The following STAT4 variants were observed in gnomAD, a reference collection of about 807,000 sequenced individuals.
The protein encoded by STAT4 is signal transducer and activator of transcription 4.
In STAT4, 42 loss-of-function variants were observed where a neutral mutation model predicts 110.5. The ratio of observed to expected loss-of-function variants is 0.38; its 90% CI spans 0.30 to 0.49. The LOEUF (loss-of-function observed/expected upper bound fraction) is 0.49. STAT4 is among the 20% of genes least tolerant of loss of function. The pLI, the probability that STAT4 is intolerant of heterozygous loss-of-function variation, is 0.95. For synonymous variants in STAT4, 284 were observed against 302.2 expected (o/e 0.94, Z 0.63); for missense variants, 632 against 887.9 (o/e 0.71, Z 3.66).
At position 191,142,866 on chromosome 2, in the gene STAT4, C is replaced by A. The variant is rs947333251; in HGVS notation, c.273+3747G>T. Among the ~76,000 whole-genome samples, 1 of 151,984 alleles carries A rather than the reference C, an allele frequency of 6.6e-6. No homozygotes were observed. Among genetic ancestry groups the A allele is most frequent in the Non-Finnish European group, 1.5e-5 (1 of 68,012 alleles). ...GAGAGGACAGGAGATTTTCAGGGGC[C>A]ATGAAACTCTCTAGTATGATATTGT... is the stretch of plus-strand genomic sequence containing the variant. On this transcript the variant is annotated intron_variant, in intron 3 of 23. Coordinates refer to ENST00000392320, the MANE Select transcript of STAT4 (RefSeq NM_003151.4). The surrounding 1 kb of genome is among the most constrained non-coding windows in gnomAD (Gnocchi z 4.1).
At chr2:191,054,269 T>G (rs1696612548) in intron 14 of STAT4, among the ~76,000 whole-genome samples, 1 of 152,156 alleles carries the variant, frequency 6.6e-6, no homozygotes, top group African/African-American at 2.4e-5. Context: ...ATGTTAATAG[T>G]TATTTTCTTT....
Position 191,064,847 on chromosome 2 carries a change from C to T in STAT4, c.742G>A (p.Gly248Arg), listed in dbSNP as rs764656850. Residue 248 changes from glycine to arginine, a missense_variant, in exon 8 of 24, where the codon GGG becomes AGG. By Grantham distance (125) the Gly-to-Arg change is moderately radical. This residue lies in a region of STAT4 where 488 missense variants were observed against 632.8 expected (regional missense o/e 0.77). Transcript: ENST00000392320. ...TCGAGCCCATTGTGGAGTGGACCCC[C>T]GATGCAGGCGATTTGCTGCCGCCGC... ...WKRRQQIACI[G>R]GPLHNGLDQL... The T allele has an allele frequency of 5.0e-6, 8 of 1,613,264 alleles. No homozygotes were observed. Among genetic ancestry groups the T allele is most frequent in the South Asian group, 3.3e-5 (3 of 91,022 alleles).
chr2:191,085,886 T>C (rs1697620870), intron 3 of STAT4, among the ~76,000 whole-genome samples: 2 of 152,236 alleles, frequency 1.3e-5, no homozygotes, highest in Admixed American at 1.3e-4. Flanking sequence ...CAAACTTTAC[T>C]GATTCTTTTT....
intron 3 of STAT4, among the ~76,000 whole-genome samples, chr2:191,093,385 T>C (rs1465840051): frequency 6.9e-6 from 1 of 145,172 alleles, no homozygotes; most frequent in Non-Finnish European, 1.6e-5. Context: ...TGTTCTGCAA[T>C]ATTTGCTGTT....
chr2:191,069,606 C>T, intron 6 of STAT4, 87 bp downstream of exon 6: 2 of 1,036,482 alleles, frequency 1.9e-6, no homozygotes, highest in South Asian at 2.7e-5. Context: ...GGAAGTAGAT[C>T]AAATTTATCC....
At chr2:191,079,668 C>T (rs1697409611) in intron 3 of STAT4, among the ~76,000 whole-genome samples, 1 of 151,944 alleles carries the variant, frequency 6.6e-6, no homozygotes, top group Admixed American at 6.6e-5. Context: ...ATCTAACTTC[C>T]ATCAGGATTT....
At chr2:191,041,330 T>C (rs1696192556) in intron 14 of STAT4, 182 bp from the exon 15 acceptor site, 3 of 248,500 alleles carry the variant, frequency 1.2e-5, no homozygotes, top group East Asian at 1.6e-4. Context: ...TTGGAAAATC[T>C]TCATTTCCCC....
At position 191,135,843 on chromosome 2, in the gene STAT4, A is replaced by G. The variant is rs1699164522; in HGVS notation, c.273+10770T>C. On this transcript the variant is annotated intron_variant, in intron 3 of 23. Coordinates refer to ENST00000392320, the MANE Select transcript of STAT4 (RefSeq NM_003151.4). The surrounding 1 kb of genome is among the most constrained non-coding windows in gnomAD (Gnocchi z 4.8). ...CTCAAATTATTCCAAAAAATTGAAG[A>G]GGAAGAAATTCTCCCTAGCTCGTTC... 6.6e-6 allele frequency among the ~76,000 whole-genome samples: 1 copy of G among 152,174 alleles called. No homozygotes were observed. The highest frequency in any genetic ancestry group is 1.5e-5 in the Non-Finnish European group (1 of 68,018).
chr2:191,073,271 C>T, intron 4 of STAT4, 81 bp from the exon 5 acceptor site: 1 of 1,170,712 alleles, frequency 8.5e-7, no homozygotes, highest in East Asian at 2.3e-5. Context: ...ACAATTCGAC[C>T]TGAGGTCTGG....
rs755096256 is a variant in STAT4 at position 191,033,087 on chromosome 2, C to T, written c.1915G>A (p.Ala639Thr). The change falls in exon 21 of 24, where the codon GCT (alanine) becomes ACT (threonine). Residue 639 changes from alanine to threonine, a missense_variant. Ala to Thr is a moderately conservative substitution (Grantham distance 58). Around this residue, in one of 4 missense-constraint regions of STAT4, gnomAD observed 74 missense variants for 154.3 expected, o/e 0.48. Coordinates refer to ENST00000392320, the MANE Select transcript of STAT4 (RefSeq NM_003151.4). The surrounding 1 kb of genome is among the most constrained non-coding windows in gnomAD (Gnocchi z 6.9). ...ACTTTGTAGTCTCGCAGGATGTCAG[C>T]GAATGGCAGAGCAGACAACCGGCCT... is the stretch of plus-strand genomic sequence containing the variant. ...NKGRLSALPF[A>T]DILRDYKVIM... The T allele has an allele frequency of 3.1e-6, 5 of 1,614,142 alleles. No homozygotes were observed. The highest frequency in any genetic ancestry group is 1.1e-5 in the South Asian group (1 of 91,082).
chr2:191,078,992 A>G (rs1474520792), intron 3 of STAT4, among the ~76,000 whole-genome samples: 2 of 152,070 alleles, frequency 1.3e-5, no homozygotes, highest in African/African-American at 2.4e-5. Context: ...CCAAATTCCA[A>G]TAACATTTAC....
rs1036774073 is a variant in STAT4, at chr2:191,031,196, A to G, written c.2112-116T>C. ...CTTCATCTATTTGTGACATTGAGTT[A>G]TCTAATTCATCATTTCATATCAGAA... On this transcript the variant is annotated intron_variant, in intron 22 of 23. Coordinates refer to ENST00000392320, the MANE Select transcript of STAT4 (RefSeq NM_003151.4). The surrounding 1 kb of genome is among the most constrained non-coding windows in gnomAD (Gnocchi z 4.8). 1.3e-5 allele frequency: 14 copies of G among 1,079,890 alleles called. No individual in the cohort carries two copies. The highest frequency in any genetic ancestry group is 1.9e-5 in the Non-Finnish European group (14 of 725,938). The allele number at this position is 1,079,890 out of a possible 1,614,324, so 66.9% of individuals were successfully genotyped here. A position where few individuals can be genotyped will look rare whatever the true frequency, so the allele number is the denominator to read the frequency against.
intron 14 of STAT4, among the ~76,000 whole-genome samples, chr2:191,045,737 G>A (rs577691637): frequency 6.6e-6 from 1 of 152,308 alleles, no homozygotes; most frequent in African/African-American, 2.4e-5. Flanking sequence ...TCGTTATTGA[G>A]AAGGAAGTAG....
intron 6 of STAT4, chr2:191,068,612 A>G (rs1393023828): frequency 1.3e-5 from 2 of 152,140 alleles, no homozygotes; most frequent in East Asian, 1.9e-4. Flanking sequence ...TGGAAAGTTT[A>G]TATCTGATTA....
chr2:191,066,540 T>C lies in STAT4; in HGVS notation c.545-25A>G, dbSNP rs1448632958. On this transcript the variant is annotated intron_variant, in intron 6 of 23. Coordinates refer to ENST00000392320, the MANE Select transcript of STAT4 (RefSeq NM_003151.4). The surrounding 1 kb of genome is among the most constrained non-coding windows in gnomAD (Gnocchi z 4.3). ...TCTGCAAAGGTAAAGAGATCAGATT[T>C]AGAGTTCTCTCTATTCCTGAAAGTC... The C allele has an allele frequency of 6.2e-7, 1 of 1,602,104 alleles. No homozygotes were observed. The highest frequency in any genetic ancestry group is 8.5e-7 in the Non-Finnish European group (1 of 1,170,532).
chr2:191,149,609 C>A (rs1699542816), intron 1 of STAT4, among the ~76,000 whole-genome samples: 1 of 152,108 alleles, frequency 6.6e-6, no homozygotes, highest in African/African-American at 2.4e-5. Flanking sequence ...CGAAATGACG[C>A]CTGCCTAATG....
rs1368071174 is a variant in STAT4 at position 191,138,718 on chromosome 2, A to G, written c.273+7895T>C. On this transcript the variant is annotated intron_variant, in intron 3 of 23. Coordinates refer to ENST00000392320, the MANE Select transcript of STAT4 (RefSeq NM_003151.4). This position sits in a 1 kb window ranked among gnomAD's most constrained non-coding sequence, Gnocchi z 4.3. ...TACCAGTCCCACTGAAACTATTGCA[A>G]AAGATAGTGAAAGAGGGAATTCTCT... 6.6e-6 allele frequency among the ~76,000 whole-genome samples: 1 copy of G among 152,202 alleles called. No homozygotes were observed. Among genetic ancestry groups the G allele is most frequent in the Non-Finnish European group, 1.5e-5 (1 of 68,024 alleles).
rs969612096 is a variant in STAT4, at chr2:191,058,321, A to T, written c.1095-102T>A. ...TTTATTTATTTATTTATTTTGAGAC[A>T]GAGTCTCGCTCTGTCGTCCAGGCTG... On this transcript the variant is annotated intron_variant, in intron 11 of 23. Transcript: ENST00000392320. This position sits in a 1 kb window ranked among gnomAD's most constrained non-coding sequence, Gnocchi z 4.3. 8.8e-6 allele frequency: 11 copies of T among 1,249,036 alleles called. No homozygotes were observed. The highest frequency in any genetic ancestry group is 1.1e-5 in the Non-Finnish European group (10 of 899,514). The allele number at this position is 1,249,036 out of a possible 1,614,324, so 77.4% of individuals were successfully genotyped here.
intron 3 of STAT4, among the ~76,000 whole-genome samples, chr2:191,125,339 TAC>T (rs1009766537): frequency 5.9e-5 from 9 of 152,042 alleles, no homozygotes; most frequent in African/African-American, 2.2e-4. Flanking sequence ...TGCGTAACTT[TAC>T]ACCTCATTGT....
Sources: gnomAD v4.1 joint callset for allele counts (sites outside exome capture counted in the v4.1 genomes callset) on GRCh38, gnomAD v4.1.1 for gene constraint, gnomAD v4.1.1 regional missense constraint, Gnocchi (gnomAD v3.1) non-coding constraint, MANE v1.5 for transcripts, NCBI Gene and HGNC (gene_info 2026-07-23, HGNC 2026-07-21) for gene names.